Variants in AIFM1 observed in about 807,000 individuals in gnomAD.
AIFM1 encodes the protein apoptosis-inducing factor 1, mitochondrial.
Under a neutral mutation model 51.7 loss-of-function variants are expected in AIFM1, and 3 were observed. The observed-to-expected ratio is 0.06, with a 90% CI of 0.03 to 0.15. AIFM1 has a LOEUF of 0.15. Ranked by LOEUF, AIFM1 falls within the 10% of genes least tolerant of loss-of-function variation. The probability of loss-of-function intolerance (pLI) is 1.00; values close to 1 mark genes in which losing one functional copy is unlikely to be tolerated. For synonymous variants in AIFM1, 178 were observed against 179.4 expected (o/e 0.99, Z 0.06); for missense variants, 330 against 476.8 (o/e 0.69, Z 2.87).
Position 130,149,565 on chromosome X carries a change from A to G in AIFM1, c.253T>C (p.Tyr85His), listed in dbSNP as rs779484508. The G allele has an allele frequency of 1.0e-5, 12 of 1,186,074 alleles. No individual in the cohort carries two copies. The highest frequency in any genetic ancestry group is 1.4e-5 in the Non-Finnish European group (12 of 872,479). Residue 85 changes from tyrosine (Y) to histidine (H), a missense_variant, in exon 3 of 16, where the codon TAC (tyrosine) becomes CAC (histidine). Around this residue, in one of 4 missense-constraint regions of AIFM1, gnomAD observed 110 missense variants for 103.1 expected, o/e 1.07. Transcript: ENST00000287295. ...TTTTCATCCTCTTTCATAGTCTTGTAGGCCTGCGGATCCAAACATGGAGAA... is the reference window on the plus strand; with the variant it reads ...TTTTCATCCTCTTTCATAGTCTTGTGGGCCTGCGGATCCAAACATGGAGAA... ...LSTVGAGAYA[Y>H]KTMKEDEKRY...
chrX:130,157,655 CT>C (rs1272218367), intron 1 of AIFM1, among the ~76,000 whole-genome samples: 3 of 107,815 alleles, frequency 2.8e-5, no homozygotes, highest in East Asian at 5.7e-4. Context: ...TCACGAAATT[CT>C]TTTTTTTTTC....
At chrX:130,136,314 A>G in intron 11 of AIFM1, 129 bp from the exon 12 acceptor site, 1 of 792,137 alleles carries the variant, frequency 1.3e-6, no homozygotes, top group Non-Finnish European at 1.9e-6. Flanking sequence ...ACCTCTGATA[A>G]ATGGATTTTA....
chrX:130,151,947 G>A (rs754113578), intron 2 of AIFM1, among the ~76,000 whole-genome samples: 1 of 110,026 alleles, frequency 9.1e-6, no homozygotes, highest in African/African-American at 3.3e-5. Flanking sequence ...GCTGAGACAC[G>A]AGAACCACCT....
At chrX:130,165,141 C>A (rs2031485503) in intron 1 of AIFM1, among the ~76,000 whole-genome samples, 1 of 108,656 alleles carries the variant, frequency 9.2e-6, no homozygotes, top group South Asian at 4.0e-4. Context: ...GAGCAGATAA[C>A]ACCCTCATTT....
intron 2 of AIFM1, 104 bp downstream of exon 2, chrX:130,156,357 G>A: frequency 9.0e-7 from 1 of 1,106,684 alleles, no homozygotes; most frequent in South Asian, 1.9e-5. Context: ...TTTTCCAAAA[G>A]GAGAAAGGGG....
At chrX:130,129,914 G>T in intron 15 of AIFM1, 56 bp downstream of exon 15, 4 of 1,184,665 alleles carry the variant, frequency 3.4e-6, no homozygotes, top group Non-Finnish European at 4.6e-6. Context: ...GAAGTTACAG[G>T]AATGTTTCTA....
chrX:130,164,874 C>T (rs1225393610), intron 1 of AIFM1, among the ~76,000 whole-genome samples: 3 of 111,341 alleles, frequency 2.7e-5, no homozygotes, highest in Non-Finnish European at 5.7e-5. Flanking sequence ...GTGGGTTGAC[C>T]TTTACCACAA....
chrX:130,149,715 TAAGA>T, intron 2 of AIFM1, 147 bp from the exon 3 acceptor site: 4 of 488,404 alleles, frequency 8.2e-6, no homozygotes, highest in East Asian at 3.7e-5. Flanking sequence ...GTTGTTTTCT[TAAGA>T]AATAAAAAAT....
intron 1 of AIFM1, among the ~76,000 whole-genome samples, chrX:130,160,600 A>T (rs1337093232): frequency 8.9e-6 from 1 of 112,106 alleles, no homozygotes; most frequent in Non-Finnish European, 1.9e-5. Context: ...AATTTTTTTT[A>T]AATGAAAAGG....
chrX:130,132,404 G>C (rs967073648), intron 13 of AIFM1, among the ~76,000 whole-genome samples: 6 of 112,485 alleles, frequency 5.3e-5, no homozygotes, highest in Admixed American at 9.4e-5. Flanking sequence ...AAAGTGATGA[G>C]GTTCCCACTT....
intron 15 of AIFM1, 81 bp from the exon 16 acceptor site, chrX:130,129,709 G>T: frequency 1.1e-6 from 1 of 944,672 alleles, no homozygotes; most frequent in Non-Finnish European, 1.5e-6. Flanking sequence ...GCTACCTGGG[G>T]CAGTCCCCAT....
Position 130,137,183 on chromosome X carries a change from G to A in AIFM1, c.970C>T (p.Arg324Ter). ...TGAATCACTTCTGTGCCCAAGGCTC[G>A]AGCTGGGAAGAAGAAACAGAGTAGT... is the stretch of plus-strand genomic sequence containing the variant. ...ELACALGRKA[R>*]ALGTEVIQLF... is the part of the protein sequence containing the mutation. Residue 324 changes from arginine (R) to a stop codon, truncating the protein, a stop_gained and splice_region_variant, in exon 10 of 16, where the codon CGA (arginine) becomes TGA (stop). Transcript: ENST00000287295. LOFTEE classifies it high-confidence loss of function. The A allele has an allele frequency of 8.3e-7, 1 of 1,210,749 alleles. No homozygotes were observed. Among genetic ancestry groups the A allele is most frequent in the Non-Finnish European group, 1.1e-6 (1 of 895,380 alleles).
intron 5 of AIFM1, among the ~76,000 whole-genome samples, chrX:130,146,474 TGTGTG>T (rs1174306118): frequency 4.6e-5 from 5 of 108,011 alleles, no homozygotes; most frequent in African/African-American, 1.7e-4. Context: ...TGTGTGTGTG[TGTGTG>T]TGTGTGTGTG....
chrX:130,133,272 G>A (rs746106079), intron 13 of AIFM1, 41 bp downstream of exon 13: 68 of 1,203,798 alleles, frequency 5.6e-5, no homozygotes, highest in Non-Finnish European at 7.6e-5. Flanking sequence ...TAGAGATACT[G>A]AGTTGTAATC....
chrX:130,144,546 T>C (rs1485658265), intron 6 of AIFM1, among the ~76,000 whole-genome samples: 1 of 111,624 alleles, frequency 9.0e-6, no homozygotes, highest in Non-Finnish European at 1.9e-5. Context: ...TTTACTTGGA[T>C]GCTCTTCAGT....
At chrX:130,155,188 C>T in intron 2 of AIFM1, 1 of 1,211,544 alleles carries the variant, frequency 8.3e-7, no homozygotes, top group Non-Finnish European at 1.1e-6. Flanking sequence ...ACTGTTGCTC[C>T]TACAATTAAG....
intron 1 of AIFM1, among the ~76,000 whole-genome samples, chrX:130,156,870 G>C (rs916005286): frequency 3.6e-5 from 4 of 111,612 alleles, no homozygotes; most frequent in Non-Finnish European, 5.6e-5. Context: ...TGAAAAACAC[G>C]AACAGTTCAT....
intron 1 of AIFM1, among the ~76,000 whole-genome samples, chrX:130,163,866 C>A (rs2031435363): frequency 9.0e-6 from 1 of 110,909 alleles, no homozygotes; most frequent in Admixed American, 9.6e-5. Flanking sequence ...TGAAAAAATT[C>A]AGGTTATCGC....
Position 130,145,496 on chromosome X carries a change from C to T in AIFM1, c.679G>A (p.Val227Ile). The change falls in exon 6 of 16, where the codon GTC becomes ATC. Residue 227 changes from valine to isoleucine, a missense_variant. Val to Ile is a conservative substitution (Grantham distance 29). Transcript: ENST00000287295. ...TAGCTCACCTTCTTCCCAGTGAGGACAGCCACACCACCATTCTCAATATGA... is the reference window on the plus strand; with the variant it reads ...TAGCTCACCTTCTTCCCAGTGAGGATAGCCACACCACCATTCTCAATATGA... ...LPHIENGGVA[V>I]LTGKKVVQLD... The T allele has an allele frequency of 8.3e-7, 1 of 1,209,606 alleles. No individual in the cohort carries two copies. The highest frequency in any genetic ancestry group is 3.0e-5 in the East Asian group (1 of 33,836).
Sources: gnomAD v4.1 joint callset for allele counts (sites outside exome capture counted in the v4.1 genomes callset) on GRCh38, gnomAD v4.1.1 for gene constraint, gnomAD v4.1.1 regional missense constraint, MANE v1.5 for transcripts, NCBI Gene and HGNC (gene_info 2026-07-23, HGNC 2026-07-21) for gene names.